Variants in USP10 observed in about 807,000 individuals in gnomAD.
The protein encoded by USP10 is ubiquitin carboxyl-terminal hydrolase 10.
Under a neutral mutation model 84.5 loss-of-function variants are expected in USP10, and 22 were observed. That is an observed-to-expected ratio of 0.26 (90% CI 0.19 to 0.37). The LOEUF (loss-of-function observed/expected upper bound fraction) is 0.37, where lower values mean the gene tolerates loss of function less well. Among genes scored for constraint, USP10 ranks in the 10% least tolerant of loss-of-function variants. USP10 has a pLI of 1.00. For missense variants in USP10, 1,019 were observed against 998.9 expected (o/e 1.02, Z -0.27); for synonymous variants, 454 against 387.6 (o/e 1.17, Z -2.01).
At chr16:84,704,787 A>C (rs1597258068) in intron 1 of USP10, 1 of 1,535,544 alleles carries the variant, frequency 6.5e-7, no homozygotes, top group East Asian at 2.4e-5. Context: ...AGAACCCAGA[A>C]GCTCTACCAG....
chr16:84,759,590 T>G (rs534832812), intron 6 of USP10, 118 bp downstream of exon 6: 184 of 994,596 alleles, frequency 1.8e-4, no homozygotes, highest in Admixed American at 7.6e-4. Flanking sequence ...AATTCTGTCT[T>G]TTTTTAAAAA....
intron 1 of USP10, chr16:84,716,173 T>A (rs905405430): frequency 6.6e-6 from 1 of 152,284 alleles, no homozygotes; most frequent in African/African-American, 2.4e-5. Context: ...GCGTAATGTC[T>A]CTCCCCCCTC....
intron 1 of USP10, 86 bp downstream of exon 1, chr16:84,700,197 CCG>C: frequency 2.8e-6 from 3 of 1,063,914 alleles, no homozygotes; most frequent in Non-Finnish European, 3.5e-6. Context: ...CGCGCCCTGC[CCG>C]GAGCGAGCGT....
intron 1 of USP10, chr16:84,704,710 TGAACTGG>T: frequency 6.7e-7 from 1 of 1,491,112 alleles, no homozygotes; most frequent in Admixed American, 2.4e-5. Context: ...AGATTTTTTC[TGAACTGG>T]CTATTTTCTG....
rs115975726 is a variant in USP10, at chr16:84,717,338, T to C, written c.22-16097T>C. The stretch of plus-strand genomic sequence containing the variant: ...TTAGGAATCCTCCCTTTTAGAAATT[T>C]TGTGCAGATTAAATGAAATATGTTG... On this transcript the variant is annotated intron_variant, in intron 1 of 13. Coordinates refer to ENST00000219473, the MANE Select transcript of USP10 (RefSeq NM_005153.3). 7.2e-3 allele frequency among the ~76,000 whole-genome samples: 1,100 copies of C among 152,282 alleles called. 13 individuals carry two copies. Among genetic ancestry groups the C allele is most frequent in the African/African-American group, 0.025 (1,034 of 41,544 alleles).
intron 1 of USP10, among the ~76,000 whole-genome samples, chr16:84,705,807 C>G (rs533778691): frequency 1.3e-5 from 2 of 148,444 alleles, no homozygotes; most frequent in South Asian, 4.3e-4. Flanking sequence ...GCAGCCTCTA[C>G]CTCCCAGATT....
chr16:84,706,544 A>T (rs540505377), intron 1 of USP10, among the ~76,000 whole-genome samples: 1 of 147,618 alleles, frequency 6.8e-6, no homozygotes, highest in African/African-American at 2.5e-5. Context: ...ATATTTTTAT[A>T]TATATATATT....
intron 2 of USP10, among the ~76,000 whole-genome samples, chr16:84,733,845 A>G (rs1429907719): frequency 2.6e-5 from 4 of 152,214 alleles, no homozygotes; most frequent in African/African-American, 9.7e-5. Context: ...CGTGTATATC[A>G]CCATAGTCAA....
chr16:84,774,141 T>C (rs975843465), intron 12 of USP10, among the ~76,000 whole-genome samples: 2 of 151,486 alleles, frequency 1.3e-5, no homozygotes, highest in East Asian at 1.9e-4. Context: ...TCCTAGCTAC[T>C]TGGGAGGCTG....
chr16:84,731,446 G>A (rs1212330463), intron 1 of USP10, among the ~76,000 whole-genome samples: 2 of 151,938 alleles, frequency 1.3e-5, no homozygotes, highest in African/African-American at 4.8e-5. Flanking sequence ...TGTGTTTCTT[G>A]TATTTTACTT....
intron 1 of USP10, among the ~76,000 whole-genome samples, chr16:84,715,331 TGTGTATA>T (rs1906872659): frequency 6.6e-6 from 1 of 152,230 alleles, no homozygotes; most frequent in Admixed American, 6.5e-5. Context: ...TCCTTACCTT[TGTGTATA>T]ATGGATAGCT....
chr16:84,775,321 G>A, intron 13 of USP10, 96 bp downstream of exon 13: 2 of 1,227,372 alleles, frequency 1.6e-6, no homozygotes, highest in Non-Finnish European at 2.4e-6. Context: ...ATAGCGACCA[G>A]ATGCTGTACT....
chr16:84,772,403 C>G, intron 11 of USP10, 138 bp from the exon 12 acceptor site: 1 of 1,171,478 alleles, frequency 8.5e-7, no homozygotes, highest in African/African-American at 1.5e-5. Context: ...TTCTGTGGGG[C>G]AGGAAAAGCC....
chr16:84,726,593 TG>T (rs972245004), intron 1 of USP10, among the ~76,000 whole-genome samples: 19 of 152,328 alleles, frequency 1.2e-4, no homozygotes, highest in African/African-American at 4.3e-4. Context: ...GGTGTGGGCT[TG>T]CCCCCCTTTT....
In USP10 at chr16:84,772,621, G is replaced by A; in HGVS notation, c.2079G>A (p.Lys693=). 1.2e-6 allele frequency: 2 copies of A among 1,613,988 alleles called. No individual in the cohort carries two copies. The highest frequency in any genetic ancestry group is 1.7e-6 in the Non-Finnish European group (2 of 1,179,870). The change falls in exon 12 of 14, where the codon AAG becomes AAA. Residue 693 remains lysine (K), a synonymous_variant. Transcript: ENST00000219473. ...ACCTGAAACGATTCGTTTATGAGAA[G>A]ACTGGTGGGTGCCAGAAGCTTATCA... ...VLHLKRFVYE[K]TGGCQKLIKN...
Position 84,727,154 on chromosome 16 carries a change from TACTC to T in USP10, c.22-6280_22-6277del, listed in dbSNP as rs146416884. ...TTGAAATTACAAGAAACGATGAACT[TACTC>T]GTGCTTTTTAGTCTCCCGTGTGAAC... On this transcript the variant is annotated intron_variant, in intron 1 of 13. Transcript: ENST00000219473. 4.2e-3 allele frequency among the ~76,000 whole-genome samples: 645 copies of T among 152,350 alleles called. 3 individuals are homozygous for T. The highest frequency in any genetic ancestry group is 0.015 in the African/African-American group (612 of 41,578).
At chr16:84,726,834 C>G (rs1184145578) in intron 1 of USP10, among the ~76,000 whole-genome samples, 1 of 152,262 alleles carries the variant, frequency 6.6e-6, no homozygotes, top group Admixed American at 6.5e-5. Flanking sequence ...GCAGGCATTT[C>G]TGTGCCGTCC....
At chr16:84,708,572 G>T (rs1485084765) in intron 1 of USP10, among the ~76,000 whole-genome samples, 1 of 152,176 alleles carries the variant, frequency 6.6e-6, no homozygotes, top group African/African-American at 2.4e-5. Flanking sequence ...CTGCCCTAGG[G>T]AATAATGAGA....
rs1283443748 is a variant in USP10 at position 84,745,689 on chromosome 16, TAC to T, written c.1192+18_1192+19del. 1 of 1,593,482 alleles carries T rather than the reference TAC, an allele frequency of 6.3e-7. No homozygotes were observed. The highest frequency in any genetic ancestry group is 8.6e-7 in the Non-Finnish European group (1 of 1,169,200). On this transcript the variant is annotated intron_variant, in intron 4 of 13. Transcript: ENST00000219473. ...AAGATTGCAGGTATAGTTGAAAAGA[TAC>T]AAATCTAGAGTGAAGATGGGAGCAG...
Sources: gnomAD v4.1 joint callset for allele counts (sites outside exome capture counted in the v4.1 genomes callset) on GRCh38, gnomAD v4.1.1 for gene constraint, MANE v1.5 for transcripts, NCBI Gene and HGNC (gene_info 2026-07-23, HGNC 2026-07-21) for gene names.